The following GSR variants were observed in gnomAD, a reference collection of about 807,000 sequenced individuals.
GSR encodes glutathione-disulfide reductase.
GSR carries 48 observed loss-of-function variants against 56.5 expected under a neutral mutation model. The observed-to-expected ratio is 0.85, with a 90% confidence interval of 0.67 to 1.08. GSR has a LOEUF of 1.08. Among genes scored for constraint, GSR ranks in the 50% least tolerant of loss-of-function variants. GSR has a pLI of 0.00. For missense variants in GSR, 694 were observed against 703.3 expected (o/e 0.99, Z 0.15); for synonymous variants, 264 against 270.8 (o/e 0.97, Z 0.25).
intron 7 of GSR, among the ~76,000 whole-genome samples, 185 bp from the exon 8 acceptor site, chr8:30,693,240 A>G (rs1326675103): frequency 6.6e-6 from 1 of 152,176 alleles, no homozygotes; most frequent in Non-Finnish European, 1.5e-5. Flanking sequence ...ACCATCTGCA[A>G]TACATATGAC....
rs1480095900 is a variant in GSR at position 30,680,381 on chromosome 8, G to GTTTTGTTTTTTTTTTTT, written c.1419+522_1419+523insAAAAAAAAAAAACAAAA. 3.3e-4 allele frequency among the ~76,000 whole-genome samples: 11 copies of GTTTTGTTTTTTTTTTTT among 33,378 alleles called. 5 individuals are homozygous for GTTTTGTTTTTTTTTTTT. Among genetic ancestry groups the GTTTTGTTTTTTTTTTTT allele is most frequent in the South Asian group, 1.9e-3 (2 of 1,036 alleles). 21.9% of individuals were successfully genotyped at this position (33,378 alleles called of 152,430 possible). A position where few individuals can be genotyped will look rare whatever the true frequency, so the allele number is the denominator to read the frequency against. On this transcript the variant is annotated intron_variant, in intron 12 of 12. Coordinates refer to ENST00000221130, the MANE Select transcript of GSR (RefSeq NM_000637.5). Reference sequence around the variant, plus strand: ...ACAGCGCCTGGCCCTGGCCTCTCCTGTTTTTTTTTTTTTTTTTTTTTTTTT... The same window carrying GTTTTGTTTTTTTTTTTT: ...ACAGCGCCTGGCCCTGGCCTCTCCTGTTTTGTTTTTTTTTTTTTTTTTTTTTTTTTTTTTTTTTTTTT...
chr8:30,680,974 A>G lies in GSR; in HGVS notation c.1349T>C (p.Met450Thr), dbSNP rs1802934091. 2.5e-6 allele frequency: 4 copies of G among 1,611,714 alleles called. No homozygotes were observed. Among genetic ancestry groups the G allele is most frequent in the East Asian group, 2.2e-5 (1 of 44,864 alleles). ...TTTCCTTTTGGTAACTGCGTGATAC[A>G]TCGGGGTAAAGCTCGTTGAATAGGT... ...VKTYSTSFTP[M>T]YHAVTKRKTK... The change falls in exon 12 of 13, where the codon ATG becomes ACG. Residue 450 changes from methionine (M) to threonine (T), a missense_variant. Coordinates refer to ENST00000221130, the MANE Select transcript of GSR (RefSeq NM_000637.5).
At chr8:30,681,140 G>C in intron 11 of GSR, 103 bp from the exon 12 acceptor site, 1 of 955,074 alleles carries the variant, frequency 1.0e-6, no homozygotes, top group Admixed American at 1.7e-5. Flanking sequence ...ATCAAACCAC[G>C]AGGAAATATC....
rs8191005 is a variant in GSR, at chr8:30,689,248, T to G, written c.954A>C (p.Pro318=). The change falls in exon 9 of 13, where the codon CCA becomes CCC. Residue 318 remains proline (P), a synonymous_variant. Transcript: ENST00000221130. ...SMVTAVPGRL[P]VMTMIPDVDC... ...CAACATCTGGAATCATGGTCATGAC[T>G]GGTAGCCTACCGGGAACTGCAGTAA... 26 of 1,613,640 alleles carry G rather than the reference T, an allele frequency of 1.6e-5. No homozygotes were observed. The East Asian group carries it at 5.3e-4, about 33-fold the overall frequency.
chr8:30,706,877 C>G (rs1014057424), intron 4 of GSR: 1 of 152,226 alleles, frequency 6.6e-6, no homozygotes, highest in African/African-American at 2.4e-5. Flanking sequence ...TAGCTCACGC[C>G]TATAATCTCA....
At chr8:30,682,522 A>G (rs1390699266) in intron 10 of GSR, among the ~76,000 whole-genome samples, 1 of 152,242 alleles carries the variant, frequency 6.6e-6, no homozygotes, top group Non-Finnish European at 1.5e-5. Flanking sequence ...CGCATCTGCA[A>G]AATATCTCAT....
intron 5 of GSR, 132 bp downstream of exon 5, chr8:30,702,961 G>C (rs945817988): frequency 2.2e-5 from 21 of 939,696 alleles, no homozygotes; most frequent in African/African-American, 1.4e-4. Flanking sequence ...GTTAGGTTCT[G>C]CAGAGACCTT....
At chr8:30,719,167 T>G (rs1804444401) in intron 1 of GSR, among the ~76,000 whole-genome samples, 1 of 146,190 alleles carries the variant, frequency 6.8e-6, no homozygotes, top group East Asian at 2.1e-4. Flanking sequence ...AGTGCAGTGG[T>G]GCGATCTCGG....
intron 8 of GSR, among the ~76,000 whole-genome samples, chr8:30,690,011 TTATATAA>T (rs1426455844): frequency 7.0e-5 from 3 of 43,120 alleles, no homozygotes; most frequent in Non-Finnish European, 2.8e-4. Context: ...TATACATATA[TTATATAA>T]TACGTATATT....
chr8:30,706,026 C>G (rs951470719), intron 4 of GSR, among the ~76,000 whole-genome samples: 1 of 152,024 alleles, frequency 6.6e-6, no homozygotes, highest in African/African-American at 2.4e-5. Flanking sequence ...ATCTACTGAT[C>G]TAAGCCAGGT....
intron 9 of GSR, chr8:30,687,748 T>C (rs148164487): frequency 1.3e-5 from 2 of 152,314 alleles, no homozygotes; most frequent in African/African-American, 2.4e-5. Context: ...TAGAGTAGTA[T>C]AGCATATCAG....
chr8:30,705,494 C>A (rs955656756), intron 4 of GSR, among the ~76,000 whole-genome samples: 1 of 152,156 alleles, frequency 6.6e-6, no homozygotes, highest in African/African-American at 2.4e-5. Context: ...AATCTCCTGA[C>A]CTCATGATCC....
Position 30,680,381 on chromosome 8 carries a change from G to GTTTTGTTTT in GSR, c.1419+522_1419+523insAAAACAAAA, listed in dbSNP as rs1480095900. 6.0e-4 allele frequency among the ~76,000 whole-genome samples: 20 copies of GTTTTGTTTT among 33,374 alleles called. 2 individuals are homozygous for GTTTTGTTTT. Among genetic ancestry groups the GTTTTGTTTT allele is most frequent in the Non-Finnish European group, 4.4e-4 (7 of 15,898 alleles). 21.9% of individuals were successfully genotyped at this position (33,374 alleles called of 152,430 possible). On this transcript the variant is annotated intron_variant, in intron 12 of 12. Transcript: ENST00000221130. Reference sequence around the variant, plus strand: ...ACAGCGCCTGGCCCTGGCCTCTCCTGTTTTTTTTTTTTTTTTTTTTTTTTT... The same window carrying GTTTTGTTTT: ...ACAGCGCCTGGCCCTGGCCTCTCCTGTTTTGTTTTTTTTTTTTTTTTTTTTTTTTTTTTT...
Position 30,703,871 on chromosome 8 carries a change from GGAA to G in GSR, c.493-634_493-632del, listed in dbSNP as rs563551800. Among the ~76,000 whole-genome samples, 275 of 151,578 alleles carry G rather than the reference GGAA, an allele frequency of 1.8e-3. 1 individual carries two copies. The highest frequency in any genetic ancestry group is 3.4e-3 in the Middle Eastern group (1 of 292). On this transcript the variant is annotated intron_variant, in intron 4 of 12. Transcript: ENST00000221130. ...GAAGAAGGAAGGAAAGAAGAAAGAA[GGAA>G]GAAGGAGGAAAAAGAAGAAGAAATA...
chr8:30,719,175 C>T (rs1365043296), intron 1 of GSR, among the ~76,000 whole-genome samples: 5 of 147,002 alleles, frequency 3.4e-5, no homozygotes, highest in East Asian at 2.0e-4. Flanking sequence ...GGTGCGATCT[C>T]GGCTCACTGC....
intron 4 of GSR, chr8:30,707,171 T>A (rs868548504): frequency 4.7e-4 from 71 of 152,374 alleles, no homozygotes; most frequent in African/African-American, 1.6e-3. Flanking sequence ...TTCAGCTAGA[T>A]AGCACTCCTC....
At chr8:30,723,334 T>C (rs1804610930) in intron 1 of GSR, among the ~76,000 whole-genome samples, 1 of 152,036 alleles carries the variant, frequency 6.6e-6, no homozygotes, top group Non-Finnish European at 1.5e-5. Flanking sequence ...AGACTTGAAA[T>C]GCTGAATTCA....
chr8:30,686,977 C>T (rs564162119), intron 9 of GSR, among the ~76,000 whole-genome samples: 52 of 151,726 alleles, frequency 3.4e-4, no homozygotes, highest in Non-Finnish European at 5.9e-4. Flanking sequence ...GCTGGGATTA[C>T]AGGCATGCGT....
intron 8 of GSR, 56 bp from the exon 9 acceptor site, chr8:30,689,375 A>T (rs1803284212): frequency 9.8e-6 from 14 of 1,428,436 alleles, no homozygotes; most frequent in Non-Finnish European, 1.3e-5. Context: ...GGACAGGGGA[A>T]GAAGGAAAGC....
Sources: allele counts gnomAD v4.1 joint callset (sites outside exome capture counted in the v4.1 genomes callset), GRCh38; gene constraint gnomAD v4.1.1; transcripts MANE v1.5; gene names NCBI Gene and HGNC (gene_info 2026-07-23, HGNC 2026-07-21).